ADGRA3: variants seen among roughly 807,000 people sequenced by gnomAD.
ADGRA3 encodes the protein adhesion G protein-coupled receptor A3.
In ADGRA3, 56 loss-of-function variants were observed where a neutral mutation model predicts 119.8. The ratio of observed to expected loss-of-function variants is 0.47; its 90% CI spans 0.38 to 0.58. The LOEUF is 0.58. Ranked by LOEUF, ADGRA3 falls within the 20% of genes least tolerant of loss-of-function variation. The pLI is 0.00. For synonymous variants in ADGRA3, 607 were observed against 623.8 expected (o/e 0.97, Z 0.40); for missense variants, 1,516 against 1,649.0 (o/e 0.92, Z 1.40).
At chr4:22,504,023 G>C (rs1228289924) in intron 1 of ADGRA3, among the ~76,000 whole-genome samples, 1 of 152,108 alleles carries the variant, frequency 6.6e-6, no homozygotes, top group African/African-American at 2.4e-5. Context: ...CCTGTCTTCA[G>C]ACAGAATCAT....
intron 12 of ADGRA3, chr4:22,414,517 A>G: frequency 1.6e-6 from 1 of 643,104 alleles, no homozygotes; most frequent in Admixed American, 2.6e-5. Flanking sequence ...AACCATCTAA[A>G]AACATTCCAT....
At chr4:22,480,474 T>C (rs189525467) in intron 1 of ADGRA3, among the ~76,000 whole-genome samples, 1 of 151,794 alleles carries the variant, frequency 6.6e-6, no homozygotes, top group East Asian at 2.0e-4. Context: ...AGAAGTTCAA[T>C]ATCAGCGTGG....
At chr4:22,507,934 A>G (rs534129006) in intron 1 of ADGRA3, among the ~76,000 whole-genome samples, 3 of 152,290 alleles carry the variant, frequency 2.0e-5, no homozygotes, top group Admixed American at 2.0e-4. Context: ...AATAAACTAA[A>G]TAAAGACATG....
At chr4:22,463,444 C>T (rs968422507) in intron 2 of ADGRA3, among the ~76,000 whole-genome samples, 6 of 152,268 alleles carry the variant, frequency 3.9e-5, no homozygotes, top group South Asian at 2.1e-4. Flanking sequence ...CATGCTCACC[C>T]GTGCCCAGGC....
chr4:22,506,101 G>C (rs1368083605), intron 1 of ADGRA3, among the ~76,000 whole-genome samples: 1 of 152,144 alleles, frequency 6.6e-6, no homozygotes, highest in Non-Finnish European at 1.5e-5. Context: ...CTCACCCCCT[G>C]CAGACAAAAA....
intron 2 of ADGRA3, among the ~76,000 whole-genome samples, chr4:22,466,058 A>G (rs900807839): frequency 6.6e-6 from 1 of 152,134 alleles, no homozygotes; most frequent in Non-Finnish European, 1.5e-5. Flanking sequence ...GATCTTTTTA[A>G]ACACAGACCT....
intron 1 of ADGRA3, among the ~76,000 whole-genome samples, chr4:22,486,335 T>C (rs182116612): frequency 2.0e-5 from 3 of 152,320 alleles, no homozygotes; most frequent in East Asian, 1.9e-4. Context: ...CTCTTTTACA[T>C]GTCCTCTCTG....
In ADGRA3 at chr4:22,447,459, G is replaced by C. The variant is rs1716873797; in HGVS notation, c.526C>G (p.Leu176Val). 6.4e-7 allele frequency: 1 copy of C among 1,569,318 alleles called. No individual in the cohort carries two copies. The highest frequency in any genetic ancestry group is 8.6e-7 in the Non-Finnish European group (1 of 1,159,980). Reference protein sequence around the residue: ...SSLSQGTFDYLASLRSLEFQT... With the variant: ...SSLSQGTFDYVASLRSLEFQT... Reference sequence around the variant, plus strand: ...ACTTACAAAGACCGTAATGACGCAAGATAATCAAAAGTTCCTTGAGATAAT... The same window carrying C: ...ACTTACAAAGACCGTAATGACGCAACATAATCAAAAGTTCCTTGAGATAAT... The change falls in exon 5 of 19, where the codon CTT becomes GTT. Residue 176 changes from leucine to valine, a missense_variant. Leu to Val is a conservative substitution (Grantham distance 32). Coordinates refer to ENST00000334304, the MANE Select transcript of ADGRA3 (RefSeq NM_145290.4).
At chr4:22,464,714 G>A (rs1220049346) in intron 2 of ADGRA3, among the ~76,000 whole-genome samples, 9 of 152,182 alleles carry the variant, frequency 5.9e-5, no homozygotes, top group African/African-American at 2.2e-4. Flanking sequence ...TAAAGGGCAT[G>A]AATGGCCATA....
intron 14 of ADGRA3, among the ~76,000 whole-genome samples, chr4:22,412,811 GA>G (rs1286310014): frequency 6.6e-6 from 1 of 152,138 alleles, no homozygotes; most frequent in African/African-American, 2.4e-5. Flanking sequence ...TGCAAAGTAG[GA>G]AAATGTTCTT....
chr4:22,496,010 T>C (rs1181772825), intron 1 of ADGRA3, among the ~76,000 whole-genome samples: 1 of 152,188 alleles, frequency 6.6e-6, no homozygotes. Context: ...TAGGCAATGA[T>C]ACCAACAGCT....
intron 14 of ADGRA3, among the ~76,000 whole-genome samples, chr4:22,410,247 C>T (rs1011566972): frequency 6.6e-6 from 1 of 152,092 alleles, no homozygotes; most frequent in Non-Finnish European, 1.5e-5. Context: ...AAGTATTAAG[C>T]ACTACATAGT....
At chr4:22,448,769 T>C (rs1012917742) in intron 4 of ADGRA3, among the ~76,000 whole-genome samples, 1 of 152,202 alleles carries the variant, frequency 6.6e-6, no homozygotes, top group African/African-American at 2.4e-5. Flanking sequence ...ATTTTATAAT[T>C]TTTTTGTAAG....
intron 12 of ADGRA3, among the ~76,000 whole-genome samples, chr4:22,418,010 C>G (rs1421319528): frequency 6.6e-6 from 1 of 152,148 alleles, no homozygotes; most frequent in East Asian, 1.9e-4. Context: ...TACATTACAC[C>G]TGAACTCAAA....
intron 12 of ADGRA3, among the ~76,000 whole-genome samples, chr4:22,415,898 T>C (rs760009828): frequency 9.9e-5 from 15 of 152,086 alleles, no homozygotes; most frequent in Middle Eastern, 3.2e-3. Flanking sequence ...ACCAGAGCTA[T>C]ATACTCATGG....
At chr4:22,408,515 T>C (rs9790456) in intron 14 of ADGRA3, among the ~76,000 whole-genome samples, 152,249 of 152,282 alleles carry the variant, frequency 1, 76,108 homozygotes, top group Non-Finnish European at 1. Context: ...AAAGGGGATA[T>C]CCAAACTGCC....
chr4:22,432,574 A>C (rs1202742524), intron 10 of ADGRA3, among the ~76,000 whole-genome samples: 1 of 152,226 alleles, frequency 6.6e-6, no homozygotes, highest in Non-Finnish European at 1.5e-5. Flanking sequence ...AATAAGAGAC[A>C]ATAAGGGTGC....
intron 16 of ADGRA3, among the ~76,000 whole-genome samples, chr4:22,400,721 CAAAA>C (rs1714597111): frequency 7.1e-6 from 1 of 140,488 alleles, no homozygotes; most frequent in Non-Finnish European, 1.6e-5. Context: ...TAAAAGCAAA[CAAAA>C]GAAAAAAAAA....
intron 17 of ADGRA3, among the ~76,000 whole-genome samples, chr4:22,389,859 C>T (rs781232050): frequency 6.6e-6 from 1 of 152,160 alleles, no homozygotes; most frequent in Non-Finnish European, 1.5e-5. Context: ...GCTCCTTGAT[C>T]TCTCTGAAAA....
Sources: allele counts gnomAD v4.1 joint callset (sites outside exome capture counted in the v4.1 genomes callset), GRCh38; gene constraint gnomAD v4.1.1; transcripts MANE v1.5; gene names NCBI Gene and HGNC (gene_info 2026-07-23, HGNC 2026-07-21).